The following NIN variants were observed in gnomAD, a reference collection of about 807,000 sequenced individuals.
NIN encodes glycogen synthase kinase 3 beta-interacting protein.
NIN carries 137 observed loss-of-function variants against 257.6 expected under a neutral mutation model. The observed-to-expected ratio is 0.53, with a 90% CI of 0.46 to 0.61. NIN has a LOEUF of 0.61. NIN is among the 20% of genes least tolerant of loss of function. NIN has a pLI of 0.00. For synonymous variants in NIN, 918 were observed against 919.8 expected (o/e 1.00, Z 0.04); for missense variants, 2,439 against 2,501.2 (o/e 0.98, Z 0.53).
At chr14:50,734,088 T>C (rs1331466635) in intron 28 of NIN, among the ~76,000 whole-genome samples, 4 of 98,316 alleles carry the variant, frequency 4.1e-5, no homozygotes, top group Admixed American at 1.2e-4. Context: ...TCTTCTTTAT[T>C]TTTTTTTTTT....
chr14:50,785,265 G>A (rs541949736), intron 5 of NIN, among the ~76,000 whole-genome samples: 8 of 152,374 alleles, frequency 5.3e-5, no homozygotes, highest in Middle Eastern at 3.4e-3. Context: ...CGCCGGGCCA[G>A]CATCTGCAGC....
At chr14:50,806,485 T>C in intron 4 of NIN, 1 of 382,242 alleles carries the variant, frequency 2.6e-6, no homozygotes. Flanking sequence ...ATTCCAAGAA[T>C]GAGTTATTGC....
In NIN at chr14:50,735,569, C is replaced by T; in HGVS notation, c.5824G>A (p.Glu1942Lys). ...TGTTTCTTTTTCAGGCCTTCATTTT[C>T]CAAATGAATTGTTTCTAATTCTTGT... ...LEQELETIHL[E>K]NEGLKKKQVK... is the part of the protein sequence containing the mutation. Residue 1942 changes from glutamate (E) to lysine (K), a missense_variant, in exon 28 of 31, where the codon GAA becomes AAA. Physicochemically the swap from Glu to Lys is moderately conservative, Grantham distance 56. Coordinates refer to ENST00000530997, the MANE Select transcript of NIN (RefSeq NM_020921.4). The T allele has an allele frequency of 6.8e-6, 11 of 1,612,802 alleles. No homozygotes were observed. The highest frequency in any genetic ancestry group is 8.5e-6 in the Non-Finnish European group (10 of 1,179,968).
chr14:50,726,072 G>C lies in NIN; in HGVS notation c.6079-6C>G. On this transcript the variant is annotated splice_polypyrimidine_tract_variant and splice_region_variant and intron_variant, in intron 29 of 30. Coordinates refer to ENST00000530997, the MANE Select transcript of NIN (RefSeq NM_020921.4). The stretch of plus-strand genomic sequence containing the variant: ...ACCAGTTGTTCCTGGTTTCCCTGAA[G>C]GGAAGAAAAGTATATTATTCGAAAA... 2 of 1,603,882 alleles carry C rather than the reference G, an allele frequency of 1.2e-6. No individual in the cohort carries two copies. Among genetic ancestry groups the C allele is most frequent in the Non-Finnish European group, 1.7e-6 (2 of 1,171,716 alleles).
chr14:50,760,411 A>G, intron 16 of NIN, 52 bp from the exon 17 acceptor site: 1 of 1,328,002 alleles, frequency 7.5e-7, no homozygotes, highest in Non-Finnish European at 1.0e-6. Context: ...AAGGTCACTG[A>G]AAGTGAAGTG....
At chr14:50,803,054 C>T (rs2044165379) in intron 4 of NIN, among the ~76,000 whole-genome samples, 1 of 152,032 alleles carries the variant, frequency 6.6e-6, no homozygotes. Context: ...AAAGGCAAAA[C>T]AAAAATAACA....
At position 50,743,509 on chromosome 14, in the gene NIN, T is replaced by G. The variant is rs767297797; in HGVS notation, c.5208A>C (p.Leu1736Phe). The G allele has an allele frequency of 6.2e-7, 1 of 1,613,080 alleles. No individual in the cohort carries two copies. The highest frequency in any genetic ancestry group is 1.3e-5 in the African/African-American group (1 of 74,922). ...CVDKLAKSSL[L>F]EHRIATMKQE... ...GCTTCATCGTCGCAATTCTATGCTC[T>G]AAAAGACTTGATTTTGCCAACTGTT... Residue 1736 changes from leucine to phenylalanine, a missense_variant, in exon 24 of 31, where the codon TTA becomes TTC. Transcript: ENST00000530997.
intron 16 of NIN, among the ~76,000 whole-genome samples, chr14:50,761,104 C>T (rs1274215434): frequency 6.6e-6 from 1 of 151,912 alleles, no homozygotes; most frequent in Non-Finnish European, 1.5e-5. Flanking sequence ...GATATGACAA[C>T]TATAAGTACA....
At position 50,750,112 on chromosome 14, in the gene NIN, G is replaced by C. The variant is rs531618815; in HGVS notation, c.4951-2007C>G. On this transcript the variant is annotated intron_variant, in intron 21 of 30. Transcript: ENST00000530997. Reference sequence around the variant, plus strand: ...ATCAGGACACAGGCCCTTTTGACATGTCCTTTTTTTTTAAAACATCTTTTT... The same window carrying C: ...ATCAGGACACAGGCCCTTTTGACATCTCCTTTTTTTTTAAAACATCTTTTT... Among the ~76,000 whole-genome samples the C allele has an allele frequency of 3.3e-5, 5 of 152,044 alleles. No homozygotes were observed. In the South Asian group the frequency reaches 1.0e-3, roughly 32 times the overall value.
chr14:50,790,070 T>C (rs994882590), intron 5 of NIN, among the ~76,000 whole-genome samples: 2 of 152,208 alleles, frequency 1.3e-5, no homozygotes, highest in African/African-American at 2.4e-5. Context: ...TACTTTTTTT[T>C]TGGAGACAAG....
intron 2 of NIN, among the ~76,000 whole-genome samples, chr14:50,827,371 A>G (rs1310268790): frequency 6.6e-6 from 1 of 152,208 alleles, no homozygotes; most frequent in Non-Finnish European, 1.5e-5. Flanking sequence ...CCAAAAGCAC[A>G]ACAATATCAC....
At chr14:50,734,642 G>T (rs780886673) in intron 28 of NIN, among the ~76,000 whole-genome samples, 32 of 152,052 alleles carry the variant, frequency 2.1e-4, no homozygotes, top group Non-Finnish European at 2.9e-5. Context: ...GGAACTCAAA[G>T]TCCAAGCTGA....
Position 50,729,681 on chromosome 14 carries a change from G to C in NIN, c.5920C>G (p.His1974Asp), listed in dbSNP as rs1193155606. The C allele has an allele frequency of 9.3e-6, 15 of 1,613,172 alleles. No homozygotes were observed. Among genetic ancestry groups the C allele is most frequent in the Non-Finnish European group, 1.3e-5 (15 of 1,179,678 alleles). The change falls in exon 29 of 31, where the codon CAT (histidine) becomes GAT (aspartate). Residue 1974 changes from histidine to aspartate, a missense_variant. Physicochemically the swap from His to Asp is moderately conservative, Grantham distance 81. Coordinates refer to ENST00000530997, the MANE Select transcript of NIN (RefSeq NM_020921.4). Reference sequence around the variant, plus strand: ...TGGAGCAGCTGCAAATCCCAAGCATGAGGGGACGGGCTAGGCGTCGCAGTG... The same window carrying C: ...TGGAGCAGCTGCAAATCCCAAGCATCAGGGGACGGGCTAGGCGTCGCAGTG... ...RSTATPSPSP[H>D]AWDLQLLQQQ...
chr14:50,823,089 G>A (rs1026219549), intron 2 of NIN: 2 of 449,716 alleles, frequency 4.4e-6, no homozygotes, highest in African/African-American at 4.1e-5. Context: ...CAATAACTGA[G>A]TCATTTTTGT....
At position 50,772,984 on chromosome 14, in the gene NIN, GAGT is replaced by G; in HGVS notation, c.775_777del (p.Thr259del). Reference sequence around the variant, plus strand: ...AGGTGCCTTTTTAGTTGTCTATATGGAGTAGATGCTGATGGTGTAAGAGATTTT... The same window carrying G: ...AGGTGCCTTTTTAGTTGTCTATATGGAGATGCTGATGGTGTAAGAGATTTT... On this transcript the variant is annotated inframe_deletion, in exon 8 of 31. Coordinates refer to ENST00000530997, the MANE Select transcript of NIN (RefSeq NM_020921.4). 1 of 1,613,248 alleles carries G rather than the reference GAGT, an allele frequency of 6.2e-7. No individual in the cohort carries two copies. Among genetic ancestry groups the G allele is most frequent in the Non-Finnish European group, 8.5e-7 (1 of 1,179,466 alleles).
rs2040586739 is a variant in NIN at position 50,729,536 on chromosome 14, G to GT, written c.6064dup (p.Thr2022AsnfsTer23). 6.2e-7 allele frequency: 1 copy of GT among 1,613,330 alleles called. No homozygotes were observed. The highest frequency in any genetic ancestry group is 1.3e-5 in the African/African-American group (1 of 74,792). On this transcript the variant is annotated frameshift_variant, in exon 29 of 31. Transcript: ENST00000530997. LOFTEE classifies it high-confidence loss of function. ...AGAGCTTCATACCTGTGGTGTGTTG[G>GT]TTTCGGAGGTCCTGTTTTCAAGTTC...
intron 4 of NIN, 36 bp from the exon 5 acceptor site, chr14:50,792,917 T>A: frequency 6.2e-7 from 1 of 1,608,570 alleles, no homozygotes; most frequent in Non-Finnish European, 8.5e-7. Context: ...CCACATGACA[T>A]GAGAATCTCA....
intron 2 of NIN, among the ~76,000 whole-genome samples, chr14:50,827,571 C>A (rs1224203169): frequency 1.4e-5 from 2 of 138,972 alleles, no homozygotes; most frequent in East Asian, 2.1e-4. Flanking sequence ...CACGTTGAAA[C>A]CCTGTCTCTA....
chr14:50,759,644 C>T (rs1486695697), intron 17 of NIN, among the ~76,000 whole-genome samples: 1 of 152,196 alleles, frequency 6.6e-6, no homozygotes, highest in African/African-American at 2.4e-5. Context: ...CAGGCGCCCG[C>T]CACCACGCCC....
Sources: gnomAD v4.1 joint callset for allele counts (sites outside exome capture counted in the v4.1 genomes callset) on GRCh38, gnomAD v4.1.1 for gene constraint, MANE v1.5 for transcripts, NCBI Gene and HGNC (gene_info 2026-07-23, HGNC 2026-07-21) for gene names.